ITGAV: variants seen among roughly 807,000 people sequenced by gnomAD.
The protein encoded by ITGAV is integrin subunit alpha V.
ITGAV carries 76 observed loss-of-function variants against 143.8 expected under a neutral mutation model. The ratio of observed to expected loss-of-function variants is 0.53; its 90% CI spans 0.44 to 0.64. The LOEUF (loss-of-function observed/expected upper bound fraction) is 0.64, where lower values mean the gene tolerates loss of function less well. Ranked by LOEUF, ITGAV falls within the 30% of genes least tolerant of loss-of-function variation. The pLI, the probability that ITGAV is intolerant of heterozygous loss-of-function variation, is 0.00. For synonymous variants in ITGAV, 453 were observed against 446.7 expected (o/e 1.01, Z -0.18); for missense variants, 1,193 against 1,274.7 (o/e 0.94, Z 0.98).
chr2:186,635,981 A>G (rs1687936033), intron 6 of ITGAV, 101 bp from the exon 7 acceptor site: 1 of 888,194 alleles, frequency 1.1e-6, no homozygotes, highest in Admixed American at 2.6e-5. Context: ...TAGAAGTACT[A>G]ATATCTAATA....
At position 186,680,518 on chromosome 2, in the gene ITGAV, A is replaced by T. The variant is rs200131539; in HGVS notation, c.*3226A>T. ...CTAGATAATTTCAAAGTTGTCATTA[A>T]TTTAGTAAGCCTAATATAAACAAAT... On this transcript the variant is annotated 3_prime_UTR_variant, in exon 30 of 30. Transcript: ENST00000261023. 1.5e-3 allele frequency: 235 copies of T among 152,688 alleles called. No individual in the cohort carries two copies. The highest frequency in any genetic ancestry group is 5.4e-3 in the African/African-American group (223 of 41,578). 9.5% of individuals were successfully genotyped at this position (152,688 alleles called of 1,614,324 possible).
At chr2:186,632,106 GTTAA>G (rs1328055168) in intron 5 of ITGAV, among the ~76,000 whole-genome samples, 1 of 151,916 alleles carries the variant, frequency 6.6e-6, no homozygotes, top group Non-Finnish European at 1.5e-5. Context: ...GATAATTATA[GTTAA>G]CTCTTCTTAC....
intron 12 of ITGAV, among the ~76,000 whole-genome samples, chr2:186,642,209 T>C (rs1308567290): frequency 6.6e-6 from 1 of 152,190 alleles, no homozygotes; most frequent in Non-Finnish European, 1.5e-5. Flanking sequence ...AAACCTGAAA[T>C]ATAGGTTACA....
intron 12 of ITGAV, among the ~76,000 whole-genome samples, chr2:186,643,531 G>C (rs1295525225): frequency 6.6e-6 from 1 of 152,082 alleles, no homozygotes. Context: ...TTTTGTTGTT[G>C]TTCATACATG....
At chr2:186,644,979 T>C (rs1453974994) in intron 12 of ITGAV, among the ~76,000 whole-genome samples, 1 of 152,210 alleles carries the variant, frequency 6.6e-6, no homozygotes, top group East Asian at 1.9e-4. Context: ...ACAGCTCGTG[T>C]ACATTAAGGA....
chr2:186,680,335 G>C lies in ITGAV; in HGVS notation c.*3043G>C, dbSNP rs1689318330. 6.6e-6 allele frequency: 1 copy of C among 152,522 alleles called. No individual in the cohort carries two copies. The highest frequency in any genetic ancestry group is 2.4e-5 in the African/African-American group (1 of 41,456). The allele number at this position is 152,522 out of a possible 1,614,324, so 9.4% of individuals were successfully genotyped here. ...TTTTGGAGAGTATTCCTTTTAGTTT[G>C]TTGGTTGGCTGGTTTGAACGATAGA... On this transcript the variant is annotated 3_prime_UTR_variant, in exon 30 of 30. Transcript: ENST00000261023.
intron 26 of ITGAV, among the ~76,000 whole-genome samples, chr2:186,673,521 G>A (rs1205002186): frequency 6.6e-6 from 1 of 152,048 alleles, no homozygotes; most frequent in African/African-American, 2.4e-5. Flanking sequence ...ACATAGTTCA[G>A]TTCATGAACA....
chr2:186,604,183 C>G (rs948692458), intron 2 of ITGAV, among the ~76,000 whole-genome samples: 1 of 151,906 alleles, frequency 6.6e-6, no homozygotes, highest in African/African-American at 2.4e-5. Context: ...GAGGCAATTA[C>G]TCTTAACAAT....
At position 186,649,927 on chromosome 2, in the gene ITGAV, T is replaced by G. The variant is rs769197254; in HGVS notation, c.1397+42T>G. ...TCCTGCGGTATAGGAATATTCTGAATTATTTGAACGTTTTTTAATTAAGTG... is the reference window on the plus strand; with the variant it reads ...TCCTGCGGTATAGGAATATTCTGAAGTATTTGAACGTTTTTTAATTAAGTG... On this transcript the variant is annotated intron_variant, in intron 14 of 29. Transcript: ENST00000261023. 4.6e-6 allele frequency: 6 copies of G among 1,307,692 alleles called. No homozygotes were observed. In the South Asian group the frequency reaches 7.0e-5, roughly 15 times the overall value. The allele number at this position is 1,307,692 out of a possible 1,614,324, so 81.0% of individuals were successfully genotyped here.
At chr2:186,652,284 G>A (rs1287021814) in intron 15 of ITGAV, among the ~76,000 whole-genome samples, 195 bp downstream of exon 15, 1 of 152,168 alleles carries the variant, frequency 6.6e-6, no homozygotes, top group Non-Finnish European at 1.5e-5. Context: ...GCACAACCAT[G>A]GCTTAAGTGA....
Position 186,602,067 on chromosome 2 carries a change from C to G in ITGAV, c.232C>G (p.Pro78Ala), listed in dbSNP as rs376272954. Reference sequence around the variant, plus strand: ...AGCTCCCAAAGCAAACACCACCCAGCCTGGGATTGTGGAAGGAGGGCAGGT... The same window carrying G: ...AGCTCCCAAAGCAAACACCACCCAGGCTGGGATTGTGGAAGGAGGGCAGGT... ...VGAPKANTTQ[P>A]GIVEGGQVLK... The change falls in exon 2 of 30, where the codon CCT (proline) becomes GCT (alanine). Residue 78 changes from proline to alanine, a missense_variant. Physicochemically the swap from Pro to Ala is conservative, Grantham distance 27. Transcript: ENST00000261023. 44 of 1,612,988 alleles carry G rather than the reference C, an allele frequency of 2.7e-5. No homozygotes were observed. The highest frequency in any genetic ancestry group is 3.7e-5 in the Non-Finnish European group (44 of 1,179,474).
At chr2:186,628,789 T>A (rs1226707832) in intron 4 of ITGAV, among the ~76,000 whole-genome samples, 1 of 152,112 alleles carries the variant, frequency 6.6e-6, no homozygotes, top group African/African-American at 2.4e-5. Context: ...TCAGTAATGA[T>A]TTCTAGTTGG....
rs2105704059 is a variant in ITGAV, at chr2:186,636,118, C to G, written c.668C>G (p.Ser223Cys). ...LISDQVAEIV[S>C]KYDPNVYSIK... ...TCGGATCAAGTGGCAGAAATCGTAT[C>G]TAAATACGACCCCAATGTTTACAGC... Residue 223 changes from serine (S) to cysteine (C), a missense_variant, in exon 7 of 30, where the codon TCT becomes TGT. Coordinates refer to ENST00000261023, the MANE Select transcript of ITGAV (RefSeq NM_002210.5). 1 of 1,612,822 alleles carries G rather than the reference C, an allele frequency of 6.2e-7. No individual in the cohort carries two copies. Among genetic ancestry groups the G allele is most frequent in the Non-Finnish European group, 8.5e-7 (1 of 1,179,214 alleles).
At chr2:186,659,275 A>G (rs1688675716) in intron 18 of ITGAV, 100 bp downstream of exon 18, 2 of 800,844 alleles carry the variant, frequency 2.5e-6, no homozygotes, top group African/African-American at 1.8e-5. Flanking sequence ...ATATTGATAG[A>G]TGTTTAGTCA....
At chr2:186,663,144 G>T (rs1688794201) in intron 18 of ITGAV, among the ~76,000 whole-genome samples, 1 of 151,858 alleles carries the variant, frequency 6.6e-6, no homozygotes, top group Non-Finnish European at 1.5e-5. Context: ...TCAGGTCTTT[G>T]TTTTTTTCAC....
rs575489627 is a variant in ITGAV at position 186,640,060 on chromosome 2, A to G, written c.904-855A>G. On this transcript the variant is annotated intron_variant, in intron 10 of 29. Transcript: ENST00000261023. ...TCATTCTCCCTTGATATCTGAGCCA[A>G]TCAAATTTGAGAAGCATTGCTAACT... Among the ~76,000 whole-genome samples the G allele has an allele frequency of 9.2e-5, 14 of 152,284 alleles. 1 individual carries two copies. The South Asian group carries it at 2.9e-3, about 32-fold the overall frequency.
intron 16 of ITGAV, among the ~76,000 whole-genome samples, chr2:186,655,818 A>G (rs371847174): frequency 6.6e-6 from 1 of 152,302 alleles, no homozygotes; most frequent in African/African-American, 2.4e-5. Flanking sequence ...TTCATTCATC[A>G]TAGTGTTTAA....
intron 17 of ITGAV, among the ~76,000 whole-genome samples, chr2:186,658,172 A>G (rs900561452): frequency 3.3e-5 from 5 of 152,188 alleles, no homozygotes; most frequent in African/African-American, 1.2e-4. Context: ...TTAAGTCTAA[A>G]AATGTAATTT....
intron 12 of ITGAV, among the ~76,000 whole-genome samples, chr2:186,645,131 T>C (rs1688218834): frequency 1.3e-5 from 2 of 152,122 alleles, no homozygotes; most frequent in Admixed American, 1.3e-4. Flanking sequence ...GAAATCCAGA[T>C]AGTGATAAAG....
Sources: allele counts gnomAD v4.1 joint callset (sites outside exome capture counted in the v4.1 genomes callset), GRCh38; gene constraint gnomAD v4.1.1; transcripts MANE v1.5; gene names NCBI Gene and HGNC (gene_info 2026-07-23, HGNC 2026-07-21).